The following VPS28 variants were observed in gnomAD, a reference collection of about 807,000 sequenced individuals.
The protein encoded by VPS28 is VPS28 subunit of ESCRT-I.
In VPS28, 29 loss-of-function variants were observed where a neutral mutation model predicts 33.7. The observed-to-expected ratio is 0.86, with a 90% CI of 0.64 to 1.17. The LOEUF (loss-of-function observed/expected upper bound fraction) is 1.17. Among genes scored for constraint, VPS28 ranks in the 50% most tolerant of loss-of-function variants. VPS28 has a pLI of 0.00. For synonymous variants in VPS28, 164 were observed against 116.7 expected, an observed-to-expected ratio of 1.40 and a Z score of -2.61; for missense variants, 247 against 312.2, an observed-to-expected ratio of 0.79 and a Z score of 1.57.
chr8:144,424,605 C>T lies in VPS28; in HGVS notation c.402+113G>A, dbSNP rs1822593236. On this transcript the variant is annotated intron_variant, in intron 7 of 9. Coordinates refer to ENST00000292510, the MANE Select transcript of VPS28 (RefSeq NM_016208.4). ...CCTAGTTAAAGGGGTTCCCTTCTGC[C>T]CAGCAAGTCAGAGTGCTGCTCAGCT... is the stretch of plus-strand genomic sequence containing the variant. The T allele has an allele frequency of 9.0e-6, 11 of 1,225,714 alleles. No homozygotes were observed. In the South Asian group the frequency reaches 1.1e-4, roughly 13 times the overall value. The allele number at this position is 1,225,714 out of a possible 1,614,324, so 75.9% of individuals were successfully genotyped here.
chr8:144,423,753 G>C lies in VPS28; in HGVS notation c.*52C>G. Reference sequence around the variant, plus strand: ...GGCCTGTGTGGCGGACAGGGGACCAGGAGCCATCGCCTCAGACTCTGCCCT... The same window carrying C: ...GGCCTGTGTGGCGGACAGGGGACCACGAGCCATCGCCTCAGACTCTGCCCT... On this transcript the variant is annotated 3_prime_UTR_variant, in exon 10 of 10. Transcript: ENST00000292510. The C allele has an allele frequency of 6.2e-7, 1 of 1,607,890 alleles. No individual in the cohort carries two copies. Among genetic ancestry groups the C allele is most frequent in the Non-Finnish European group, 8.5e-7 (1 of 1,176,378 alleles).
At position 144,424,046 on chromosome 8, in the gene VPS28, G is replaced by A; in HGVS notation, c.543C>T (p.Ser181=). The part of the protein sequence containing the change: ...PPDFEGRQTV[S]QWLQTLSGMS... ...TGGCTGGGAGGGACACCCACCACTG[G>A]CTGACCGTCTGGCGGCCCTCAAAGT... The change falls in exon 9 of 10, where the codon AGC becomes AGT. Residue 181 remains serine (S), a synonymous_variant. Coordinates refer to ENST00000292510, the MANE Select transcript of VPS28 (RefSeq NM_016208.4). 1 of 1,582,670 alleles carries A rather than the reference G, an allele frequency of 6.3e-7. No homozygotes were observed. Among genetic ancestry groups the A allele is most frequent in the African/African-American group, 1.3e-5 (1 of 74,502 alleles).
intron 5 of VPS28, 105 bp from the exon 6 acceptor site, chr8:144,425,156 C>G: frequency 9.6e-7 from 1 of 1,038,338 alleles, no homozygotes; most frequent in Non-Finnish European, 1.4e-6. Context: ...GAGGACCAGG[C>G]GACAGGCAAA....
At chr8:144,428,167 G>C (rs2291130) in intron 1 of VPS28, among the ~76,000 whole-genome samples, 1 of 151,966 alleles carries the variant, frequency 6.6e-6, no homozygotes, top group East Asian at 1.9e-4. Flanking sequence ...TGCGAGCCGC[G>C]GGGTGGGGAC....
At chr8:144,425,490 A>G (rs1822667459) in intron 5 of VPS28, 193 bp downstream of exon 5, 3 of 609,304 alleles carry the variant, frequency 4.9e-6, no homozygotes, top group Non-Finnish European at 8.6e-6. Context: ...ACACCCCAGG[A>G]GCTGCGCCTC....
chr8:144,424,844 G>C, intron 6 of VPS28, 25 bp from the exon 7 acceptor site: 1 of 1,613,520 alleles, frequency 6.2e-7, no homozygotes. Context: ...ATGGGTGCTG[G>C]GGCTCTCAGG....
chr8:144,424,340 C>T, intron 7 of VPS28, 72 bp from the exon 8 acceptor site: 12 of 1,517,920 alleles, frequency 7.9e-6, no homozygotes, highest in Non-Finnish European at 1.1e-5. Context: ...CGGGCCCCAA[C>T]CCCTCCTCAG....
At chr8:144,428,190 G>A (rs1441348135) in intron 1 of VPS28, among the ~76,000 whole-genome samples, 1 of 152,338 alleles carries the variant, frequency 6.6e-6, no homozygotes, top group East Asian at 1.9e-4. Context: ...AGGCTGCTCG[G>A]CAGCCGTCAC....
chr8:144,423,910 CAG>C lies in VPS28; in HGVS notation c.559_560del (p.Leu187GlufsTer8). 6.2e-7 allele frequency: 1 copy of C among 1,613,144 alleles called. No individual in the cohort carries two copies. Among genetic ancestry groups the C allele is most frequent in the South Asian group, 1.1e-5 (1 of 91,090 alleles). The part of the protein sequence containing the change: ...RQTVSQWLQT[L>X]SGMSASDELD... ...GCTCATCTGACGCCGACATGCCGCT[CAG>C]GGTCTGCAGCCTGGGAGTGCAGCAC... On this transcript the variant is annotated frameshift_variant, in exon 10 of 10. Transcript: ENST00000292510. LOFTEE classifies it high-confidence loss of function.
chr8:144,423,949 G>C (rs1554875861), intron 9 of VPS28, 27 bp from the exon 10 acceptor site: 3 of 1,612,924 alleles, frequency 1.9e-6, no homozygotes, highest in Non-Finnish European at 2.5e-6. Flanking sequence ...GGGCATGTGG[G>C]GGCTGAGGGC....
At chr8:144,428,075 G>A (rs1822924811) in intron 1 of VPS28, among the ~76,000 whole-genome samples, 1 of 151,966 alleles carries the variant, frequency 6.6e-6, no homozygotes. Context: ...GGGCGCCCCA[G>A]CCGAGGAAGA....
At chr8:144,426,815 A>T (rs945770631) in intron 2 of VPS28, 94 bp downstream of exon 2, 1 of 1,429,696 alleles carries the variant, frequency 7.0e-7, no homozygotes, top group Non-Finnish European at 9.7e-7. Flanking sequence ...GAGCAGGGTC[A>T]GATACCTCCC....
chr8:144,426,201 C>G lies in VPS28; in HGVS notation c.45G>C (p.Gly15=). ...IPATPGIGAP[G]NKPELYEEVK... is the part of the protein sequence containing the mutation. ...TCACCTCATACAGCTCCGGCTTGTT[C>G]CCAGGGGCTGCAAGAGAAGGCAGAG... is the stretch of plus-strand genomic sequence containing the variant. The change falls in exon 3 of 10, where the codon GGG becomes GGC. Residue 15 remains glycine (G), a synonymous_variant. Transcript: ENST00000292510. 6.2e-7 allele frequency: 1 copy of G among 1,604,710 alleles called. No homozygotes were observed. Among genetic ancestry groups the G allele is most frequent in the Non-Finnish European group, 8.5e-7 (1 of 1,175,962 alleles).
chr8:144,425,231 G>A (rs1327622836), intron 5 of VPS28, 180 bp from the exon 6 acceptor site: 6 of 615,492 alleles, frequency 9.7e-6, no homozygotes, highest in African/African-American at 9.2e-5. Flanking sequence ...AGCACGTAGT[G>A]GGGCTTGTAG....
At chr8:144,424,445 T>A in intron 7 of VPS28, 177 bp from the exon 8 acceptor site, 1 of 918,090 alleles carries the variant, frequency 1.1e-6, no homozygotes, top group Non-Finnish European at 1.6e-6. Context: ...GACAGCTGTG[T>A]GGGAACTGAA....
chr8:144,425,137 G>T, intron 5 of VPS28, 86 bp from the exon 6 acceptor site: 3 of 1,208,784 alleles, frequency 2.5e-6, no homozygotes, highest in Non-Finnish European at 3.6e-6. Flanking sequence ...AGGCAAAGCA[G>T]CTTCCAGAGA....
intron 7 of VPS28, chr8:144,424,470 CCA>C: frequency 2.5e-6 from 2 of 812,538 alleles, no homozygotes; most frequent in African/African-American, 1.7e-5. Context: ...GGGCCCACAC[CCA>C]CACTCTCTCC....
intron 2 of VPS28, chr8:144,426,619 T>C: frequency 2.1e-6 from 1 of 479,770 alleles, no homozygotes; most frequent in Non-Finnish European, 3.8e-6. Flanking sequence ...CCAACAAGGC[T>C]CACCACACAC....
intron 2 of VPS28, chr8:144,426,650 T>C (rs1822770928): frequency 7.9e-6 from 4 of 507,880 alleles, no homozygotes; most frequent in South Asian, 4.7e-5. Context: ...CTGGGATTGG[T>C]GACACAGGGT....
Sources: allele counts gnomAD v4.1 joint callset (sites outside exome capture counted in the v4.1 genomes callset), GRCh38; gene constraint gnomAD v4.1.1; transcripts MANE v1.5; gene names NCBI Gene and HGNC (gene_info 2026-07-23, HGNC 2026-07-21).